Variants in TTLL9 observed in about 807,000 individuals in gnomAD.
TTLL9 encodes tubulin tyrosine ligase like 9.
Under a neutral mutation model 65.6 loss-of-function variants are expected in TTLL9, and 47 were observed. That is an observed-to-expected ratio of 0.72 (90% CI 0.57 to 0.91). The LOEUF (loss-of-function observed/expected upper bound fraction) is 0.91, where lower values mean the gene tolerates loss of function less well. Among genes scored for constraint, TTLL9 ranks in the 40% least tolerant of loss-of-function variants. TTLL9 has a pLI of 0.00. For synonymous variants in TTLL9, 179 were observed against 204.8 expected (o/e 0.87, Z 1.07); for missense variants, 537 against 568.8 (o/e 0.94, Z 0.57).
chr20:31,873,836 G>GAAAGAA lies in TTLL9; in HGVS notation c.69+2643_69+2648dup, dbSNP rs1555800267. Among the ~76,000 whole-genome samples the GAAAGAA allele has an allele frequency of 3.8e-3, 417 of 111,018 alleles. 4 individuals are homozygous for GAAAGAA. The highest frequency in any genetic ancestry group is 0.012 in the African/African-American group (317 of 26,938). The allele number at this position is 111,018 out of a possible 152,430, so 72.8% of individuals were successfully genotyped here. ...AGGAAGGAAGGAAGAAAGAAAGAAAGAAAGAAAGAAAGAAAGAAAGAAAGA... is the reference window on the plus strand; with the variant it reads ...AGGAAGGAAGGAAGAAAGAAAGAAAGAAAGAAAAAGAAAGAAAGAAAGAAAGAAAGA... On this transcript the variant is annotated intron_variant, in intron 2 of 14. Transcript: ENST00000535842.
chr20:31,905,382 G>A (rs550660759), intron 4 of TTLL9, among the ~76,000 whole-genome samples: 103 of 152,142 alleles, frequency 6.8e-4, no homozygotes, highest in Non-Finnish European at 1.2e-3. Flanking sequence ...ACCAGCACAC[G>A]GCCACTTCTC....
chr20:31,899,005 T>A (rs2063430282), intron 4 of TTLL9, among the ~76,000 whole-genome samples: 1 of 152,236 alleles, frequency 6.6e-6, no homozygotes, highest in African/African-American at 2.4e-5. Context: ...CTTTCTTCTT[T>A]CATGCTGGCC....
chr20:31,940,501 A>G (rs1197824669), intron 14 of TTLL9: 1 of 152,202 alleles, frequency 6.6e-6, no homozygotes, highest in Non-Finnish European at 1.5e-5. Context: ...GGGGCCTAAG[A>G]TTGTATTTCT....
chr20:31,899,786 A>T (rs1180684476), intron 4 of TTLL9, among the ~76,000 whole-genome samples: 1 of 150,502 alleles, frequency 6.6e-6, no homozygotes, highest in Non-Finnish European at 1.5e-5. Flanking sequence ...TTTTTTTGAG[A>T]TGGAGTCTTG....
intron 6 of TTLL9, among the ~76,000 whole-genome samples, chr20:31,919,484 A>T (rs1464883800): frequency 2.6e-5 from 4 of 152,226 alleles, no homozygotes; most frequent in Non-Finnish European, 5.9e-5. Context: ...GCTGGGGTTC[A>T]GTAAAGGCAG....
At chr20:31,938,599 C>CG (rs2064155474) in intron 13 of TTLL9, among the ~76,000 whole-genome samples, 1 of 152,092 alleles carries the variant, frequency 6.6e-6, no homozygotes, top group African/African-American at 2.4e-5. Context: ...AAATAGCGGC[C>CG]GGGGGTGGTG....
chr20:31,914,810 T>G (rs2063709933), intron 6 of TTLL9, among the ~76,000 whole-genome samples: 1 of 152,208 alleles, frequency 6.6e-6, no homozygotes, highest in African/African-American at 2.4e-5. Flanking sequence ...TCATATCCCC[T>G]GGGGCTTAGT....
At chr20:31,876,473 C>T (rs186262585) in intron 2 of TTLL9, among the ~76,000 whole-genome samples, 65 of 152,180 alleles carry the variant, frequency 4.3e-4, no homozygotes, top group Non-Finnish European at 3.7e-4. Flanking sequence ...GGAATATATC[C>T]CATTTTATTC....
intron 6 of TTLL9, among the ~76,000 whole-genome samples, chr20:31,917,538 T>C (rs1444608480): frequency 6.6e-6 from 1 of 152,224 alleles, no homozygotes; most frequent in Non-Finnish European, 1.5e-5. Context: ...TGTAGGTCCC[T>C]AAGAGAGGAA....
At chr20:31,937,537 T>C in intron 13 of TTLL9, 28 bp downstream of exon 13, 1 of 1,569,626 alleles carries the variant, frequency 6.4e-7, no homozygotes, top group Non-Finnish European at 8.7e-7. Flanking sequence ...TGATCACATG[T>C]CCTTGTACAT....
chr20:31,870,927 A>G lies in TTLL9; in HGVS notation c.-28A>G. The G allele has an allele frequency of 1.6e-6, 1 of 619,262 alleles. No individual in the cohort carries two copies. Among genetic ancestry groups the G allele is most frequent in the Non-Finnish European group, 2.9e-6 (1 of 344,390 alleles). The allele number at this position is 619,262 out of a possible 1,614,324, so 38.4% of individuals were successfully genotyped here. A position where few individuals can be genotyped will look rare whatever the true frequency, so the allele number is the denominator to read the frequency against. ...GATCGCCGAGGGCTCTCTGCTCTTC[A>G]GAGTCTGCTTGGAACGGGATAAGTG... On this transcript the variant is annotated 5_prime_UTR_variant, in exon 1 of 15. Coordinates refer to ENST00000535842, the MANE Select transcript of TTLL9 (RefSeq NM_001008409.5). The surrounding 1 kb of genome is among the most constrained non-coding windows in gnomAD (Gnocchi z 6.6).
chr20:31,934,574 G>A, intron 11 of TTLL9, 118 bp from the exon 12 acceptor site: 2 of 946,078 alleles, frequency 2.1e-6, no homozygotes, highest in Non-Finnish European at 3.1e-6. Context: ...AGGGCTCAGG[G>A]CTGGGCCCCT....
At position 31,870,764 on chromosome 20, in the gene TTLL9, TCGCCTAGAGC is replaced by T; in HGVS notation, c.-189_-180del. The T allele has an allele frequency of 2.1e-6, 1 of 482,384 alleles. No homozygotes were observed. The highest frequency in any genetic ancestry group is 3.5e-6 in the Non-Finnish European group (1 of 287,614). The allele number at this position is 482,384 out of a possible 1,614,324, so 29.9% of individuals were successfully genotyped here. On this transcript the variant is annotated 5_prime_UTR_variant, in exon 1 of 15. An upstream open reading frame in the 5' UTR gains an earlier in-frame stop. Coordinates refer to ENST00000535842, the MANE Select transcript of TTLL9 (RefSeq NM_001008409.5). The surrounding 1 kb of genome is among the most constrained non-coding windows in gnomAD (Gnocchi z 6.6). ...GCAGGCGCGGGCGGATGGGGGGATG[TCGCCTAGAGC>T]CCCCCGGCCGGCCCACAAACTCCCG...
Position 31,879,691 on chromosome 20 carries a change from G to T in TTLL9, c.70-7505G>T, listed in dbSNP as rs1018725771. The T allele has an allele frequency of 1.5e-5, 13 of 844,710 alleles. No homozygotes were observed. In the African/African-American group the frequency reaches 1.9e-4, roughly 12 times the overall value. 52.3% of individuals were successfully genotyped at this position (844,710 alleles called of 1,614,324 possible). A position where few individuals can be genotyped will look rare whatever the true frequency, so the allele number is the denominator to read the frequency against. Reference sequence around the variant, plus strand: ...AAGGTTGAGGAAGTCGGGGGACCTAGGCTGCCAGGACGCCCAATAGCCTCC... The same window carrying T: ...AAGGTTGAGGAAGTCGGGGGACCTATGCTGCCAGGACGCCCAATAGCCTCC... On this transcript the variant is annotated intron_variant, in intron 2 of 14. Coordinates refer to ENST00000535842, the MANE Select transcript of TTLL9 (RefSeq NM_001008409.5).
At chr20:31,935,979 G>A (rs59248321) in intron 12 of TTLL9, among the ~76,000 whole-genome samples, 29,231 of 152,110 alleles carry the variant, frequency 0.19, 3,051 homozygotes, top group African/African-American at 0.24. Context: ...AGATGGCTAC[G>A]TCACCTCTCT....
intron 8 of TTLL9, among the ~76,000 whole-genome samples, chr20:31,923,644 C>G (rs147011177): frequency 6.6e-6 from 1 of 152,298 alleles, no homozygotes; most frequent in South Asian, 2.1e-4. Context: ...GCCTCCTCCC[C>G]GCAAGCTTGG....
intron 2 of TTLL9, chr20:31,883,978 A>C (rs1470391879): frequency 2.2e-6 from 1 of 453,738 alleles, no homozygotes; most frequent in East Asian, 3.5e-5. Flanking sequence ...AAAAGCATAA[A>C]TATTGAAAAG....
chr20:31,871,789 A>C (rs1208578951), intron 2 of TTLL9, among the ~76,000 whole-genome samples: 1 of 152,214 alleles, frequency 6.6e-6, no homozygotes, highest in Admixed American at 6.5e-5. Flanking sequence ...TCCTACCTTC[A>C]TTAGCTAATG....
At chr20:31,879,259 T>G (rs992536460) in intron 2 of TTLL9, among the ~76,000 whole-genome samples, 3 of 152,252 alleles carry the variant, frequency 2.0e-5, no homozygotes, top group Non-Finnish European at 4.4e-5. Flanking sequence ...AGGCAGAGGC[T>G]GCAGTGAGCC....
Sources: gnomAD v4.1 joint callset for allele counts (sites outside exome capture counted in the v4.1 genomes callset) on GRCh38, gnomAD v4.1.1 for gene constraint, Gnocchi (gnomAD v3.1) non-coding constraint, MANE v1.5 for transcripts, NCBI Gene and HGNC (gene_info 2026-07-23, HGNC 2026-07-21) for gene names.